The following DDHD1 variants were observed in gnomAD, a reference collection of about 807,000 sequenced individuals.
DDHD1 encodes the protein DDHD domain containing 1.
In DDHD1, 49 loss-of-function variants were observed where a neutral mutation model predicts 96.4. The observed-to-expected ratio is 0.51, with a 90% CI of 0.40 to 0.64. The LOEUF is 0.64. Among genes scored for constraint, DDHD1 ranks in the 30% least tolerant of loss-of-function variants. DDHD1 has a pLI of 0.00. For synonymous variants in DDHD1, 442 were observed against 446.5 expected (o/e 0.99, Z 0.13); for missense variants, 1,106 against 1,161.2 (o/e 0.95, Z 0.69).
intron 4 of DDHD1, among the ~76,000 whole-genome samples, chr14:53,076,671 A>T (rs1433300017): frequency 6.6e-6 from 1 of 152,210 alleles, no homozygotes; most frequent in Non-Finnish European, 1.5e-5. Flanking sequence ...AGGAAGAATC[A>T]ATCGATGTGG....
intron 4 of DDHD1, among the ~76,000 whole-genome samples, chr14:53,091,014 C>T (rs1886388970): frequency 6.6e-6 from 1 of 152,178 alleles, no homozygotes; most frequent in Admixed American, 6.5e-5. Context: ...GTATCACACA[C>T]TGTTTGCTTT....
chr14:53,142,100 TC>T (rs1193374484), intron 1 of DDHD1, among the ~76,000 whole-genome samples: 1 of 152,152 alleles, frequency 6.6e-6, no homozygotes, highest in Non-Finnish European at 1.5e-5. Context: ...GCAGGAATGA[TC>T]CCCATTTACA....
intron 4 of DDHD1, among the ~76,000 whole-genome samples, 200 bp from the exon 5 acceptor site, chr14:53,074,047 G>T (rs1049137091): frequency 2.0e-5 from 3 of 151,772 alleles, no homozygotes; most frequent in African/African-American, 7.3e-5. Flanking sequence ...TCCTAAATTT[G>T]CCATCTATGA....
intron 1 of DDHD1, among the ~76,000 whole-genome samples, chr14:53,142,069 A>G (rs977340793): frequency 6.6e-6 from 1 of 152,190 alleles, no homozygotes. Context: ...AATAATAATC[A>G]CCTGATGATA....
At chr14:53,124,788 A>T (rs1235154520) in intron 1 of DDHD1, among the ~76,000 whole-genome samples, 1 of 152,234 alleles carries the variant, frequency 6.6e-6, no homozygotes, top group Non-Finnish European at 1.5e-5. Flanking sequence ...TTAGTTAGCT[A>T]GGGCTGCTGT....
chr14:53,074,548 G>A lies in DDHD1; in HGVS notation c.1290-701C>T, dbSNP rs532956875. Among the ~76,000 whole-genome samples, 27 of 151,836 alleles carry A rather than the reference G, an allele frequency of 1.8e-4. No homozygotes were observed. In the South Asian group the frequency reaches 5.2e-3, roughly 29 times the overall value. On this transcript the variant is annotated intron_variant, in intron 4 of 12. Coordinates refer to ENST00000673822, the MANE Select transcript of DDHD1 (RefSeq NM_001160148.2). ...AGAAATTAATAATTCTTTAATTTCA[G>A]CAAATATGTAGTTCAGTGGTCCTAT...
intron 1 of DDHD1, among the ~76,000 whole-genome samples, chr14:53,125,656 C>A (rs1212249113): frequency 6.6e-6 from 1 of 152,040 alleles, no homozygotes; most frequent in Admixed American, 6.6e-5. Flanking sequence ...GGTTTCTAAA[C>A]CTGGCCTATA....
At chr14:53,109,542 T>C (rs912794552) in intron 1 of DDHD1, among the ~76,000 whole-genome samples, 1 of 152,176 alleles carries the variant, frequency 6.6e-6, no homozygotes, top group African/African-American at 2.4e-5. Flanking sequence ...TGTCTTGCGG[T>C]AGTGCTGAAA....
chr14:53,112,051 G>A (rs895048224), intron 1 of DDHD1, among the ~76,000 whole-genome samples: 3 of 152,140 alleles, frequency 2.0e-5, no homozygotes, highest in Admixed American at 6.5e-5. Flanking sequence ...CAGAGTAGAC[G>A]TTAAACATTG....
intron 1 of DDHD1, among the ~76,000 whole-genome samples, chr14:53,125,078 A>G (rs552568689): frequency 6.6e-6 from 1 of 152,282 alleles, no homozygotes; most frequent in Admixed American, 6.5e-5. Context: ...CCTACCCTAA[A>G]TGTCTCAATT....
chr14:53,092,141 G>A, intron 3 of DDHD1: 1 of 372,036 alleles, frequency 2.7e-6, no homozygotes, highest in Non-Finnish European at 4.7e-6. Flanking sequence ...AAACCATAAA[G>A]AGAAAGAAAT....
intron 4 of DDHD1, among the ~76,000 whole-genome samples, chr14:53,090,894 A>G (rs1051644459): frequency 6.6e-6 from 1 of 152,092 alleles, no homozygotes; most frequent in African/African-American, 2.4e-5. Flanking sequence ...GTTGAATTGT[A>G]TTTTAACTTT....
Position 53,041,338 on chromosome 14 carries a change from A to ATC in DDHD1, c.*5429_*5430insGA, listed in dbSNP as rs1166364800. ...TATACAAACACAAAGGCAGAGGAAAAGTTCACCCTAACAATCTGCCAATGG... is the reference window on the plus strand; with the variant it reads ...TATACAAACACAAAGGCAGAGGAAAATCGTTCACCCTAACAATCTGCCAATGG... On this transcript the variant is annotated 3_prime_UTR_variant, in exon 13 of 13. Transcript: ENST00000673822. 1 of 152,208 alleles carries ATC rather than the reference A, an allele frequency of 6.6e-6. No homozygotes were observed. Among genetic ancestry groups the ATC allele is most frequent in the African/African-American group, 2.4e-5 (1 of 41,444 alleles). 9.4% of individuals were successfully genotyped at this position (152,208 alleles called of 1,614,324 possible). A position where few individuals can be genotyped will look rare whatever the true frequency, so the allele number is the denominator to read the frequency against.
intron 1 of DDHD1, among the ~76,000 whole-genome samples, chr14:53,112,327 G>C (rs775391885): frequency 6.6e-6 from 1 of 151,710 alleles, no homozygotes; most frequent in Admixed American, 6.6e-5. Flanking sequence ...TGAGGCAGAA[G>C]AATCGCTTGA....
chr14:53,039,061 A>C lies in DDHD1; in HGVS notation c.*7707T>G, dbSNP rs1252731338. 1 of 152,188 alleles carries C rather than the reference A, an allele frequency of 6.6e-6. No homozygotes were observed. The highest frequency in any genetic ancestry group is 1.5e-5 in the Non-Finnish European group (1 of 68,020). 9.4% of individuals were successfully genotyped at this position (152,188 alleles called of 1,614,324 possible). ...GGTAATTTTTTGTCAAATGATTATTAATTTGAACTCTTTTGGATCCAAGAG... is the reference window on the plus strand; with the variant it reads ...GGTAATTTTTTGTCAAATGATTATTCATTTGAACTCTTTTGGATCCAAGAG... On this transcript the variant is annotated 3_prime_UTR_variant, in exon 13 of 13. Transcript: ENST00000673822.
chr14:53,126,653 C>G (rs1372957776), intron 1 of DDHD1, among the ~76,000 whole-genome samples: 2 of 152,210 alleles, frequency 1.3e-5, no homozygotes, highest in Non-Finnish European at 2.9e-5. Context: ...TAGGCATGAG[C>G]CACCCACCCG....
chr14:53,056,592 CCT>C (rs1300448743), intron 9 of DDHD1, among the ~76,000 whole-genome samples: 1 of 152,102 alleles, frequency 6.6e-6, no homozygotes, highest in Non-Finnish European at 1.5e-5. Context: ...CTGCGCCCAG[CCT>C]CTGTCACTTA....
chr14:53,144,300 C>T (rs2139896493), intron 1 of DDHD1, among the ~76,000 whole-genome samples: 1 of 152,282 alleles, frequency 6.6e-6, no homozygotes, highest in East Asian at 1.9e-4. Flanking sequence ...ATTGGCTATA[C>T]AATGAGAATG....
chr14:53,132,215 G>A (rs1889916412), intron 1 of DDHD1, among the ~76,000 whole-genome samples: 1 of 152,104 alleles, frequency 6.6e-6, no homozygotes, highest in African/African-American at 2.4e-5. Context: ...GCAGGGCTGT[G>A]TGGTCAGGAT....
Sources: allele counts gnomAD v4.1 joint callset (sites outside exome capture counted in the v4.1 genomes callset), GRCh38; gene constraint gnomAD v4.1.1; transcripts MANE v1.5; gene names NCBI Gene and HGNC (gene_info 2026-07-23, HGNC 2026-07-21).